Variants in PIK3AP1 observed in about 807,000 individuals in gnomAD.
PIK3AP1 encodes phosphoinositide 3-kinase adapter protein 1.
Under a neutral mutation model 88.1 loss-of-function variants are expected in PIK3AP1, and 21 were observed. The observed-to-expected ratio is 0.24, with a 90% CI of 0.17 to 0.34. The LOEUF is 0.34. Ranked by LOEUF, PIK3AP1 falls within the 10% of genes least tolerant of loss-of-function variation. The pLI is 1.00. For missense variants in PIK3AP1, 828 were observed against 1,035.7 expected, an observed-to-expected ratio of 0.80 and a Z score of 2.75; for synonymous variants, 398 against 400.0, an observed-to-expected ratio of 1.00 and a Z score of 0.06.
chr10:96,620,135 C>T (rs1341785592), intron 12 of PIK3AP1, among the ~76,000 whole-genome samples: 1 of 152,106 alleles, frequency 6.6e-6, no homozygotes, highest in Non-Finnish European at 1.5e-5. Flanking sequence ...CCTCATGGTA[C>T]CTGGAAAAGC....
intron 3 of PIK3AP1, 97 bp downstream of exon 3, chr10:96,656,701 T>G: frequency 6.7e-7 from 1 of 1,501,400 alleles, no homozygotes; most frequent in Non-Finnish European, 9.1e-7. Flanking sequence ...TATACTGAGG[T>G]GCAATACAAG....
intron 13 of PIK3AP1, among the ~76,000 whole-genome samples, chr10:96,615,425 T>C (rs1315794207): frequency 6.6e-6 from 1 of 152,182 alleles, no homozygotes; most frequent in South Asian, 2.1e-4. Context: ...GAGTGACTAC[T>C]CCCTTAGTCT....
intron 6 of PIK3AP1, 128 bp from the exon 7 acceptor site, chr10:96,648,983 A>G: frequency 1.4e-6 from 1 of 709,798 alleles, no homozygotes; most frequent in Non-Finnish European, 2.2e-6. Flanking sequence ...TTATTGATTG[A>G]CTGACCTAAC....
intron 8 of PIK3AP1, among the ~76,000 whole-genome samples, chr10:96,641,229 T>C (rs1843385033): frequency 6.6e-6 from 1 of 152,046 alleles, no homozygotes; most frequent in Admixed American, 6.5e-5. Context: ...TCCAGCCCCA[T>C]TTCAATTAAC....
At position 96,680,316 on chromosome 10, in the gene PIK3AP1, T is replaced by TA. The variant is rs562213328; in HGVS notation, c.431-23383dup. On this transcript the variant is annotated intron_variant, in intron 2 of 16. Transcript: ENST00000339364. The stretch of plus-strand genomic sequence containing the variant: ...CATCATACTATTGATTTTTTTTTTT[T>TA]AACTTTTAAGTTCAGGGGTACATGT... Among the ~76,000 whole-genome samples, 426 of 152,192 alleles carry TA rather than the reference T, an allele frequency of 2.8e-3. 1 individual carries two copies. Among genetic ancestry groups the TA allele is most frequent in the Non-Finnish European group, 5.0e-3 (339 of 68,004 alleles).
At chr10:96,656,573 T>C (rs1843617679) in intron 3 of PIK3AP1, among the ~76,000 whole-genome samples, 1 of 152,100 alleles carries the variant, frequency 6.6e-6, no homozygotes, top group Non-Finnish European at 1.5e-5. Context: ...AGAACAGAAG[T>C]CTTAGACTGA....
chr10:96,651,670 A>G lies in PIK3AP1; in HGVS notation c.713-19T>C, dbSNP rs754594404. 7 of 1,611,012 alleles carry G rather than the reference A, an allele frequency of 4.3e-6. No individual in the cohort carries two copies. In the East Asian group the frequency reaches 1.3e-4, roughly 31 times the overall value. ...GAAAGGTCTGAACAGAAGAAAAGAC[A>G]CTATCAAAATTCCCAGGAAAAACAA... On this transcript the variant is annotated intron_variant, in intron 4 of 16. Transcript: ENST00000339364.
At chr10:96,651,756 T>C (rs1564970976) in intron 4 of PIK3AP1, 105 bp from the exon 5 acceptor site, 1 of 1,320,580 alleles carries the variant, frequency 7.6e-7, no homozygotes, top group East Asian at 2.5e-5. Flanking sequence ...GGACACTAAT[T>C]GGGGGCTGGA....
intron 14 of PIK3AP1, among the ~76,000 whole-genome samples, chr10:96,609,110 G>A (rs1186699763): frequency 6.6e-6 from 1 of 152,252 alleles, no homozygotes; most frequent in Non-Finnish European, 1.5e-5. Context: ...CAACCTGCCT[G>A]TAAAGTTGGA....
intron 13 of PIK3AP1, among the ~76,000 whole-genome samples, chr10:96,613,891 T>C (rs570019948): frequency 1.9e-4 from 29 of 152,160 alleles, no homozygotes; most frequent in Non-Finnish European, 1.2e-4. Flanking sequence ...TGCTCCCTAA[T>C]GGGGTGGGCA....
At chr10:96,689,440 G>T (rs1360344652) in intron 2 of PIK3AP1, among the ~76,000 whole-genome samples, 2 of 151,260 alleles carry the variant, frequency 1.3e-5, no homozygotes, top group African/African-American at 4.9e-5. Context: ...CGTGGTGGCG[G>T]GCGCCTGTAG....
chr10:96,674,138 G>A (rs1564979755), intron 2 of PIK3AP1, among the ~76,000 whole-genome samples: 1 of 152,138 alleles, frequency 6.6e-6, no homozygotes, highest in Non-Finnish European at 1.5e-5. Context: ...ATAAATATAG[G>A]CCAAAATTAA....
intron 13 of PIK3AP1, among the ~76,000 whole-genome samples, chr10:96,616,010 A>G (rs1849209448): frequency 6.6e-6 from 1 of 152,204 alleles, no homozygotes; most frequent in South Asian, 2.1e-4. Context: ...GAGGCCCACT[A>G]TGCCAGAGGC....
rs878915409 is a variant in PIK3AP1 at position 96,720,234 on chromosome 10, C to T, written c.13+148G>A. 128 of 841,578 alleles carry T rather than the reference C, an allele frequency of 1.5e-4. 1 individual carries two copies. The East Asian group carries it at 2.6e-3, about 17-fold the overall frequency. The allele number at this position is 841,578 out of a possible 1,614,324, so 52.1% of individuals were successfully genotyped here. On this transcript the variant is annotated intron_variant, in intron 1 of 16. Transcript: ENST00000339364. This position sits in a 1 kb window ranked among gnomAD's most constrained non-coding sequence, Gnocchi z 4.6. ...TGGGAAAGTTGGAGTGGGAAGTTTG[C>T]GACAGGGAACATAGAAAAGAGCAGA...
chr10:96,678,097 A>C (rs988672027), intron 2 of PIK3AP1, among the ~76,000 whole-genome samples: 14 of 151,732 alleles, frequency 9.2e-5, no homozygotes, highest in African/African-American at 3.1e-4. Context: ...CCGAGTAGTT[A>C]GGACTACAGG....
chr10:96,622,209 T>C (rs1843093604), intron 11 of PIK3AP1, among the ~76,000 whole-genome samples: 4 of 152,248 alleles, frequency 2.6e-5, no homozygotes, highest in African/African-American at 7.2e-5. Flanking sequence ...CTGGCTACCC[T>C]TGGGTTGTTC....
intron 12 of PIK3AP1, among the ~76,000 whole-genome samples, chr10:96,618,182 G>A (rs933347881): frequency 6.6e-6 from 1 of 152,270 alleles, no homozygotes; most frequent in East Asian, 1.9e-4. Context: ...AAGAGTTCTG[G>A]ACCAGCTCAT....
At chr10:96,717,951 G>A (rs754834816) in intron 1 of PIK3AP1, among the ~76,000 whole-genome samples, 3 of 152,218 alleles carry the variant, frequency 2.0e-5, no homozygotes, top group Non-Finnish European at 1.5e-5. Flanking sequence ...CCCTTCAGTG[G>A]AAGGGAATTT....
intron 2 of PIK3AP1, among the ~76,000 whole-genome samples, chr10:96,687,724 A>G (rs1214684473): frequency 6.6e-6 from 1 of 152,174 alleles, no homozygotes; most frequent in Admixed American, 6.5e-5. Flanking sequence ...TCATGCCTGC[A>G]TTAAAGACCT....
Sources: gnomAD v4.1 joint callset for allele counts (sites outside exome capture counted in the v4.1 genomes callset) on GRCh38, gnomAD v4.1.1 for gene constraint, Gnocchi (gnomAD v3.1) non-coding constraint, MANE v1.5 for transcripts, NCBI Gene and HGNC (gene_info 2026-07-23, HGNC 2026-07-21) for gene names.